Variants in ARHGAP6 observed in about 807,000 individuals in gnomAD.
ARHGAP6 encodes the protein Rho GTPase activating protein 6, also known as rho GTPase-activating protein 6.
In ARHGAP6, 16 loss-of-function variants were observed where a neutral mutation model predicts 55.7. That is an observed-to-expected ratio of 0.29 (90% CI 0.19 to 0.44). ARHGAP6 has a LOEUF of 0.44. Ranked by LOEUF, ARHGAP6 falls within the 20% of genes least tolerant of loss-of-function variation. The pLI is 1.00. For synonymous variants in ARHGAP6, 382 were observed against 360.9 expected, an observed-to-expected ratio of 1.06 and a Z score of -0.66; for missense variants, 698 against 808.9, an observed-to-expected ratio of 0.86 and a Z score of 1.66.
At chrX:11,559,523 A>G (rs371785449) in intron 1 of ARHGAP6, among the ~76,000 whole-genome samples, 9 of 111,775 alleles carry the variant, frequency 8.1e-5, no homozygotes, top group Non-Finnish European at 3.8e-5. Context: ...TTGGCCCCCA[A>G]GTTTTTTCCC....
intron 1 of ARHGAP6, among the ~76,000 whole-genome samples, chrX:11,288,062 G>A (rs1404536745): frequency 8.9e-6 from 1 of 112,122 alleles, no homozygotes; most frequent in Non-Finnish European, 1.9e-5. Flanking sequence ...CCACCCTATT[G>A]AAACGTGCAA....
chrX:11,246,086 T>C (rs1245686123), intron 2 of ARHGAP6, among the ~76,000 whole-genome samples: 1 of 110,784 alleles, frequency 9.0e-6, no homozygotes, highest in Non-Finnish European at 1.9e-5. Context: ...GGAGAAGCCC[T>C]GAATTGAGGA....
At chrX:11,362,712 GA>G (rs938769615) in intron 1 of ARHGAP6, among the ~76,000 whole-genome samples, 1 of 110,185 alleles carries the variant, frequency 9.1e-6, no homozygotes, top group Non-Finnish European at 1.9e-5. Flanking sequence ...CTTCCCATTT[GA>G]AAAAAAGTAT....
intron 1 of ARHGAP6, among the ~76,000 whole-genome samples, chrX:11,627,882 A>G (rs1256837679): frequency 1.8e-5 from 2 of 112,108 alleles, no homozygotes; most frequent in Non-Finnish European, 3.8e-5. Context: ...AGACTGGTAT[A>G]TGCAACCTTC....
At chrX:11,590,523 C>T (rs141005376) in intron 1 of ARHGAP6, among the ~76,000 whole-genome samples, 7 of 109,269 alleles carry the variant, frequency 6.4e-5, no homozygotes, top group Non-Finnish European at 1.3e-4. Context: ...CAGTAGCTCA[C>T]GCCTGTAATC....
intron 8 of ARHGAP6, among the ~76,000 whole-genome samples, chrX:11,170,013 TCTCCATCCATCC>T (rs1412522952): frequency 9.0e-6 from 1 of 111,381 alleles, no homozygotes. Context: ...TCTATCCATT[TCTCCATCCATCC>T]CTTCATTCAT....
intron 1 of ARHGAP6, among the ~76,000 whole-genome samples, chrX:11,556,988 A>C (rs746264758): frequency 1.1e-4 from 12 of 111,812 alleles, no homozygotes; most frequent in Non-Finnish European, 1.9e-4. Context: ...ACAACAATCA[A>C]ATTTCTACCC....
chrX:11,438,498 G>A (rs1179343815), intron 1 of ARHGAP6, among the ~76,000 whole-genome samples: 1 of 112,464 alleles, frequency 8.9e-6, no homozygotes, highest in Non-Finnish European at 1.9e-5. Flanking sequence ...ACACAGCCAG[G>A]CACATAGAAG....
At chrX:11,534,855 C>G (rs1185046903) in intron 1 of ARHGAP6, among the ~76,000 whole-genome samples, 16 of 111,299 alleles carry the variant, frequency 1.4e-4, no homozygotes, top group Non-Finnish European at 5.7e-5. Flanking sequence ...TCTTTGAAAT[C>G]CAGTGTGCAT....
At chrX:11,453,259 TA>T (rs1242690664) in intron 1 of ARHGAP6, among the ~76,000 whole-genome samples, 16 of 99,377 alleles carry the variant, frequency 1.6e-4, no homozygotes, top group Non-Finnish European at 3.2e-4. Flanking sequence ...AATATATATA[TA>T]GTATATATAG....
At chrX:11,391,913 G>C (rs763658004) in intron 1 of ARHGAP6, among the ~76,000 whole-genome samples, 1 of 112,164 alleles carries the variant, frequency 8.9e-6, no homozygotes, top group Non-Finnish European at 1.9e-5. Flanking sequence ...ACTTGGAATA[G>C]TGAGGTGTCA....
intron 1 of ARHGAP6, among the ~76,000 whole-genome samples, chrX:11,294,541 G>C (rs771385765): frequency 7.3e-4 from 82 of 111,987 alleles, no homozygotes; most frequent in African/African-American, 2.5e-3. Flanking sequence ...TCATGTCCCT[G>C]TAACTTGTTT....
At chrX:11,489,439 C>T (rs1483786809) in intron 1 of ARHGAP6, among the ~76,000 whole-genome samples, 2 of 112,549 alleles carry the variant, frequency 1.8e-5, no homozygotes, top group African/African-American at 6.5e-5. Flanking sequence ...TTGGCAAATG[C>T]TTTCTGCAAA....
At chrX:11,468,095 G>A (rs1053197561) in intron 1 of ARHGAP6, among the ~76,000 whole-genome samples, 2 of 111,513 alleles carry the variant, frequency 1.8e-5, no homozygotes, top group Admixed American at 9.6e-5. Context: ...TTTGGAGATG[G>A]TGGGTTGGAG....
chrX:11,428,189 AG>A (rs1426278988), intron 1 of ARHGAP6, among the ~76,000 whole-genome samples: 1 of 112,308 alleles, frequency 8.9e-6, no homozygotes, highest in Non-Finnish European at 1.9e-5. Context: ...TTCTCCTGGG[AG>A]GGCAGAGTTT....
chrX:11,351,802 C>T (rs1431027336), intron 1 of ARHGAP6: 2 of 115,486 alleles, frequency 1.7e-5, no homozygotes, highest in African/African-American at 6.5e-5. Context: ...TGGGAGCCTG[C>T]CAGTGAGAAC....
chrX:11,505,183 A>G, intron 1 of ARHGAP6, among the ~76,000 whole-genome samples: 1 of 111,128 alleles, frequency 9.0e-6, no homozygotes, highest in South Asian at 3.9e-4. Context: ...TCTCTGTGGC[A>G]GCCTAGGCAG....
chrX:11,161,685 GA>G lies in ARHGAP6; in HGVS notation c.1810-5060del, dbSNP rs1243018725. ...GATGAAATAAGTAAGTTAAACACTT[GA>G]AAAAATAAAAGCAGATAACATGGAG... On this transcript the variant is annotated intron_variant, in intron 9 of 12. Transcript: ENST00000337414. 3.6e-5 allele frequency among the ~76,000 whole-genome samples: 4 copies of G among 112,134 alleles called. No individual in the cohort carries two copies. The Admixed American group carries it at 3.8e-4, about 11-fold the overall frequency.
At chrX:11,356,450 A>G (rs2048932416) in intron 1 of ARHGAP6, among the ~76,000 whole-genome samples, 1 of 111,920 alleles carries the variant, frequency 8.9e-6, no homozygotes, top group African/African-American at 3.3e-5. Flanking sequence ...CAAACAAAAC[A>G]AAAACAAAAA....
Sources: allele counts gnomAD v4.1 joint callset (sites outside exome capture counted in the v4.1 genomes callset), GRCh38; gene constraint gnomAD v4.1.1; transcripts MANE v1.5; gene names NCBI Gene and HGNC (gene_info 2026-07-23, HGNC 2026-07-21).